FTO: variants seen among roughly 807,000 people sequenced by gnomAD.
FTO encodes FTO alpha-ketoglutarate dependent dioxygenase, also known as alpha-ketoglutarate-dependent dioxygenase FTO.
Under a neutral mutation model 63.9 loss-of-function variants are expected in FTO, and 47 were observed. The ratio of observed to expected loss-of-function variants is 0.74; its 90% CI spans 0.58 to 0.94. FTO has a LOEUF of 0.94. Among genes scored for constraint, FTO ranks in the 40% least tolerant of loss-of-function variants. The probability of loss-of-function intolerance (pLI) is 0.00; values close to 1 mark genes in which losing one functional copy is unlikely to be tolerated. For missense variants in FTO, 562 were observed against 618.1 expected, an observed-to-expected ratio of 0.91 and a Z score of 0.96; for synonymous variants, 207 against 224.4, an observed-to-expected ratio of 0.92 and a Z score of 0.69.
intron 8 of FTO, among the ~76,000 whole-genome samples, chr16:54,024,669 G>A (rs1177378078): frequency 6.6e-6 from 1 of 151,994 alleles, no homozygotes; most frequent in Non-Finnish European, 1.5e-5. Context: ...TTCTCCCTCG[G>A]TTTTCCCATC....
At chr16:53,844,322 A>G (rs1024897991) in intron 4 of FTO, 24 bp downstream of exon 4, 64 of 1,575,844 alleles carry the variant, frequency 4.1e-5, no homozygotes, top group Non-Finnish European at 5.4e-5. Context: ...AATCAAAATT[A>G]TATTGAAACT....
chr16:54,087,480 A>G (rs559276447), intron 8 of FTO, among the ~76,000 whole-genome samples: 2 of 152,252 alleles, frequency 1.3e-5, no homozygotes, highest in African/African-American at 2.4e-5. Flanking sequence ...CTTTACTACA[A>G]TGGCAAGGAA....
intron 8 of FTO, among the ~76,000 whole-genome samples, chr16:54,019,608 A>G (rs761208824): frequency 6.9e-6 from 1 of 144,264 alleles, no homozygotes; most frequent in Admixed American, 6.9e-5. Context: ...CCCTTCAGGT[A>G]GAAACCAGGA....
chr16:53,817,967 A>G (rs1423936179), intron 2 of FTO, among the ~76,000 whole-genome samples: 3 of 152,240 alleles, frequency 2.0e-5, no homozygotes, highest in East Asian at 1.9e-4. Flanking sequence ...TCATGACTGC[A>G]TACTCATTGG....
intron 8 of FTO, among the ~76,000 whole-genome samples, chr16:53,938,222 G>C (rs2082437792): frequency 6.6e-6 from 1 of 152,184 alleles, no homozygotes; most frequent in South Asian, 2.1e-4. Flanking sequence ...CAACCTGGCA[G>C]TTTTTCTGTA....
At chr16:53,815,083 CAGAG>C (rs56202708) in intron 2 of FTO, among the ~76,000 whole-genome samples, 283 of 147,188 alleles carry the variant, frequency 1.9e-3, no homozygotes, top group Non-Finnish European at 2.2e-3. Context: ...GGGAGACGGT[CAGAG>C]AGAGAGAGAG....
In FTO at chr16:53,904,236, C is replaced by T. The variant is rs115088292; in HGVS notation, c.1239+15285C>T. 7.6e-3 allele frequency among the ~76,000 whole-genome samples: 1,157 copies of T among 152,210 alleles called. 17 individuals carry two copies. The highest frequency in any genetic ancestry group is 0.027 in the African/African-American group (1,116 of 41,520). On this transcript the variant is annotated intron_variant, in intron 7 of 8. Transcript: ENST00000471389. ...GTGCCCCATTTCCATTTGCATTTCT[C>T]TCATTCCTGTTTTACTGAGAAAGAA...
chr16:53,979,430 C>G (rs919346874), intron 8 of FTO: 5 of 398,418 alleles, frequency 1.3e-5, no homozygotes, highest in African/African-American at 1.0e-4. Flanking sequence ...TCAAGTTTGG[C>G]AGCATGGAAT....
At chr16:53,761,525 G>C (rs1356224483) in intron 1 of FTO, among the ~76,000 whole-genome samples, 1 of 152,196 alleles carries the variant, frequency 6.6e-6, no homozygotes, top group Non-Finnish European at 1.5e-5. Flanking sequence ...TTGTATGTCA[G>C]AGTTTCTTTT....
At chr16:53,880,898 G>A (rs1168107154) in intron 6 of FTO, among the ~76,000 whole-genome samples, 4 of 130,234 alleles carry the variant, frequency 3.1e-5, no homozygotes, top group Non-Finnish European at 6.2e-5. Flanking sequence ...TCAAAAGATC[G>A]AGACCATCCT....
chr16:53,771,640 G>A (rs2077344001), intron 1 of FTO, among the ~76,000 whole-genome samples: 1 of 152,016 alleles, frequency 6.6e-6, no homozygotes, highest in Admixed American at 6.6e-5. Context: ...AAATGACAAT[G>A]TATGTCCACA....
chr16:53,748,034 C>T (rs957839510), intron 1 of FTO, among the ~76,000 whole-genome samples: 1 of 152,092 alleles, frequency 6.6e-6, no homozygotes, highest in Non-Finnish European at 1.5e-5. Context: ...TTCACTAGTA[C>T]CATGCTGTTT....
rs193210962 is a variant in FTO, at chr16:53,854,407, C to T, written c.895+10109C>T. 4.6e-5 allele frequency among the ~76,000 whole-genome samples: 7 copies of T among 152,150 alleles called. No individual in the cohort carries two copies. The East Asian group carries it at 1.4e-3, about 29-fold the overall frequency. On this transcript the variant is annotated intron_variant, in intron 4 of 8. Coordinates refer to ENST00000471389, the MANE Select transcript of FTO (RefSeq NM_001080432.3). ...CCCAATGTCTAGAAAGAGTTTTCTT[C>T]TAGAATTTTTATGGGCTCAGGTCTT...
intron 7 of FTO, among the ~76,000 whole-genome samples, chr16:53,904,266 A>T (rs2081480407): frequency 6.6e-6 from 1 of 152,150 alleles, no homozygotes; most frequent in South Asian, 2.1e-4. Flanking sequence ...AAAGAAACTA[A>T]GGCTCAGATG....
chr16:53,957,338 T>C (rs577258929), intron 8 of FTO, among the ~76,000 whole-genome samples: 27 of 152,362 alleles, frequency 1.8e-4, no homozygotes, highest in African/African-American at 6.5e-4. Context: ...GCTTGGTGAA[T>C]ATAATTCATT....
intron 1 of FTO, among the ~76,000 whole-genome samples, chr16:53,743,416 G>T (rs2076573595): frequency 6.6e-6 from 1 of 151,672 alleles, no homozygotes; most frequent in Non-Finnish European, 1.5e-5. Flanking sequence ...GATGATTGCA[G>T]TTACCTTTTC....
At position 53,793,190 on chromosome 16, in the gene FTO, C is replaced by A. The variant is rs1016392229; in HGVS notation, c.46-16950C>A. On this transcript the variant is annotated intron_variant, in intron 1 of 8. Transcript: ENST00000471389. ...CATTTTGTTTTGTTTTTGCTTATGT[C>A]TTTGATATTAATATATTTTTCAGAA... 5.9e-5 allele frequency among the ~76,000 whole-genome samples: 9 copies of A among 152,246 alleles called. No individual in the cohort carries two copies. In the East Asian group the frequency reaches 1.7e-3, roughly 29 times the overall value.
At chr16:53,868,521 A>G (rs903348813) in intron 4 of FTO, among the ~76,000 whole-genome samples, 2 of 151,768 alleles carry the variant, frequency 1.3e-5, no homozygotes, top group African/African-American at 4.9e-5. Context: ...GCTATCATTA[A>G]TTTCACTTAC....
chr16:53,862,398 T>C (rs924566820), intron 4 of FTO, among the ~76,000 whole-genome samples: 32 of 152,220 alleles, frequency 2.1e-4, no homozygotes, highest in African/African-American at 7.2e-4. Flanking sequence ...ACATTTGTAG[T>C]ATTTTATATT....
Sources: gnomAD v4.1 joint callset for allele counts (sites outside exome capture counted in the v4.1 genomes callset) on GRCh38, gnomAD v4.1.1 for gene constraint, MANE v1.5 for transcripts, NCBI Gene and HGNC (gene_info 2026-07-23, HGNC 2026-07-21) for gene names.